The following ANOS1 variants were observed in gnomAD, a reference collection of about 807,000 sequenced individuals.
ANOS1 encodes the protein anosmin-1.
In ANOS1, 6 loss-of-function variants were observed where a neutral mutation model predicts 59.0. The ratio of observed to expected loss-of-function variants is 0.10; its 90% CI spans 0.06 to 0.20. The LOEUF (loss-of-function observed/expected upper bound fraction) is 0.20, where lower values mean the gene tolerates loss of function less well. Among genes scored for constraint, ANOS1 ranks in the 10% least tolerant of loss-of-function variants. The pLI is 1.00. For missense variants in ANOS1, 433 were observed against 542.3 expected (o/e 0.80, Z 2.00); for synonymous variants, 217 against 223.4 (o/e 0.97, Z 0.25).
intron 2 of ANOS1, among the ~76,000 whole-genome samples, chrX:8,663,704 T>A (rs1443076123): frequency 9.0e-6 from 1 of 111,728 alleles, no homozygotes; most frequent in Middle Eastern, 4.2e-3. Flanking sequence ...AAGAGGTAAC[T>A]ATGCCTGCCC....
At chrX:8,545,061 CAAAAAAAAAAAA>C (rs759787339) in intron 9 of ANOS1, among the ~76,000 whole-genome samples, 2 of 20,479 alleles carry the variant, frequency 9.8e-5, no homozygotes, top group Non-Finnish European at 1.7e-4. Context: ...AGAGAAACTC[CAAAAAAAAAAAA>C]AAAAAAAAAA....
chrX:8,680,162 C>CAAA (rs754341783), intron 2 of ANOS1, among the ~76,000 whole-genome samples: 18 of 28,377 alleles, frequency 6.3e-4, no homozygotes, highest in African/African-American at 9.7e-4. Flanking sequence ...GAGACTCCAT[C>CAAA]AAAAAAAAAA....
chrX:8,594,221 A>G (rs1930669323), intron 4 of ANOS1, among the ~76,000 whole-genome samples: 1 of 110,843 alleles, frequency 9.0e-6, no homozygotes, highest in African/African-American at 3.3e-5. Context: ...CCTAGCAGAG[A>G]CAGAGAGAGG....
chrX:8,731,716 A>T lies in ANOS1; in HGVS notation c.207+114T>A. On this transcript the variant is annotated intron_variant, in intron 1 of 13. Transcript: ENST00000262648. Reference sequence around the variant, plus strand: ...TCCACGCCCAGGGGAAGCCAGGATCAGCCGGCGGCGCTGGCCGAGAACTTT... The same window carrying T: ...TCCACGCCCAGGGGAAGCCAGGATCTGCCGGCGGCGCTGGCCGAGAACTTT... 2.7e-6 allele frequency: 3 copies of T among 1,104,488 alleles called. No homozygotes were observed. In the South Asian group the frequency reaches 6.6e-5, roughly 24 times the overall value. The allele number at this position is 1,104,488 out of a possible 1,213,427, so 91.0% of individuals were successfully genotyped here.
intron 1 of ANOS1, among the ~76,000 whole-genome samples, chrX:8,701,185 A>G (rs1001712652): frequency 9.0e-6 from 1 of 110,612 alleles, no homozygotes; most frequent in Admixed American, 9.7e-5. Context: ...CCATCACCCA[A>G]TAGCTAAAAT....
intron 2 of ANOS1, among the ~76,000 whole-genome samples, chrX:8,696,342 T>G (rs1932684559): frequency 8.9e-6 from 1 of 112,611 alleles, no homozygotes; most frequent in Non-Finnish European, 1.9e-5. Context: ...AATTAGTTAC[T>G]GGCCATATTT....
intron 3 of ANOS1, among the ~76,000 whole-genome samples, chrX:8,605,611 A>C (rs1332329262): frequency 3.1e-5 from 3 of 97,198 alleles, no homozygotes; most frequent in Non-Finnish European, 6.1e-5. Flanking sequence ...GAACCACTGC[A>C]CTCTAGACTG....
At position 8,531,674 on chromosome X, in the gene ANOS1, T is replaced by G. The variant is rs1208604835; in HGVS notation, c.*1321A>C. ...CATGCTCAAGGTATATTCATGTATA[T>G]GCATGTGTCTGTGTGTATATACATG... On this transcript the variant is annotated 3_prime_UTR_variant, in exon 14 of 14. Transcript: ENST00000262648. 8.9e-6 allele frequency: 1 copy of G among 111,866 alleles called. No homozygotes were observed. The highest frequency in any genetic ancestry group is 1.9e-5 in the Non-Finnish European group (1 of 53,151). The allele number at this position is 111,866 out of a possible 1,213,427, so 9.2% of individuals were successfully genotyped here.
chrX:8,612,154 A>C (rs1286491243), intron 3 of ANOS1, among the ~76,000 whole-genome samples: 1 of 112,073 alleles, frequency 8.9e-6, no homozygotes, highest in Non-Finnish European at 1.9e-5. Flanking sequence ...AAAAAATTTA[A>C]AAGGATAGAA....
In ANOS1 at chrX:8,629,173, C is replaced by T. The variant is rs186086992; in HGVS notation, c.256-5503G>A. 1.7e-3 allele frequency among the ~76,000 whole-genome samples: 191 copies of T among 111,057 alleles called. 1 individual carries two copies. Among genetic ancestry groups the T allele is most frequent in the African/African-American group, 5.7e-3 (175 of 30,524 alleles). ...TTGAGGTGGGAGGATCACTTAAGCC[C>T]GGAAGTTTGAGACTGCAGAATGCAC... is the stretch of plus-strand genomic sequence containing the variant. On this transcript the variant is annotated intron_variant, in intron 2 of 13. Transcript: ENST00000262648.
chrX:8,552,746 AT>A (rs988812064), intron 9 of ANOS1, among the ~76,000 whole-genome samples: 17 of 110,551 alleles, frequency 1.5e-4, no homozygotes, highest in Non-Finnish European at 2.6e-4. Context: ...ATAAAATGTT[AT>A]TTTTTAAATA....
chrX:8,723,815 G>A (rs1932892213), intron 1 of ANOS1, among the ~76,000 whole-genome samples: 1 of 111,358 alleles, frequency 9.0e-6, no homozygotes, highest in Admixed American at 9.6e-5. Flanking sequence ...GAACTATTGG[G>A]GCTCCCTTGC....
At chrX:8,639,746 G>C (rs1029691210) in intron 2 of ANOS1, among the ~76,000 whole-genome samples, 1 of 112,112 alleles carries the variant, frequency 8.9e-6, no homozygotes, top group Non-Finnish European at 1.9e-5. Flanking sequence ...ATCTTCTGTT[G>C]GAAATAGAGG....
At chrX:8,660,688 A>G (rs1449386165) in intron 2 of ANOS1, among the ~76,000 whole-genome samples, 1 of 112,089 alleles carries the variant, frequency 8.9e-6, no homozygotes, top group Non-Finnish European at 1.9e-5. Flanking sequence ...CTTGTTGAGA[A>G]TACAAACTCT....
chrX:8,634,828 C>T (rs907673866), intron 2 of ANOS1, among the ~76,000 whole-genome samples: 5 of 111,457 alleles, frequency 4.5e-5, no homozygotes, highest in Non-Finnish European at 9.4e-5. Context: ...AATTTAAGTT[C>T]CTATCAATGG....
chrX:8,641,104 A>G (rs1348538649), intron 2 of ANOS1, among the ~76,000 whole-genome samples: 1 of 112,411 alleles, frequency 8.9e-6, no homozygotes, highest in Non-Finnish European at 1.9e-5. Flanking sequence ...AGAAATAAGT[A>G]GGTCAGTCAG....
chrX:8,654,869 G>A (rs1027854295), intron 2 of ANOS1, among the ~76,000 whole-genome samples: 3 of 112,032 alleles, frequency 2.7e-5, no homozygotes, highest in Non-Finnish European at 3.8e-5. Context: ...ATAATATTTT[G>A]TAACACCTGA....
At chrX:8,728,523 A>G (rs745902003) in intron 1 of ANOS1, among the ~76,000 whole-genome samples, 1 of 111,647 alleles carries the variant, frequency 9.0e-6, no homozygotes, top group Non-Finnish European at 1.9e-5. Flanking sequence ...CTGGGTGTAG[A>G]GCAGGTCTGC....
chrX:8,594,701 C>T (rs370702314), intron 4 of ANOS1, among the ~76,000 whole-genome samples: 702 of 46,241 alleles, frequency 0.015, 9 homozygotes, highest in East Asian at 0.032. Context: ...TATATATACA[C>T]ATATATATAC....
Sources: allele counts gnomAD v4.1 joint callset (sites outside exome capture counted in the v4.1 genomes callset), GRCh38; gene constraint gnomAD v4.1.1; transcripts MANE v1.5; gene names NCBI Gene and HGNC (gene_info 2026-07-23, HGNC 2026-07-21).